Variants in ZMYND8 observed in about 807,000 individuals in gnomAD.
ZMYND8 encodes zinc finger MYND-type containing 8.
ZMYND8 carries 37 observed loss-of-function variants against 140.8 expected under a neutral mutation model. That is an observed-to-expected ratio of 0.26 (90% confidence interval 0.20 to 0.35). The LOEUF (loss-of-function observed/expected upper bound fraction) is 0.35, where lower values mean the gene tolerates loss of function less well. Among genes scored for constraint, ZMYND8 ranks in the 10% least tolerant of loss-of-function variants. The probability of loss-of-function intolerance (pLI) is 1.00; values close to 1 mark genes in which losing one functional copy is unlikely to be tolerated. For synonymous variants in ZMYND8, 592 were observed against 597.1 expected, an observed-to-expected ratio of 0.99 and a Z score of 0.12; for missense variants, 1,068 against 1,570.0, an observed-to-expected ratio of 0.68 and a Z score of 5.40.
intron 17 of ZMYND8, among the ~76,000 whole-genome samples, chr20:47,228,600 C>A (rs548672198): frequency 6.6e-6 from 1 of 152,336 alleles, no homozygotes; most frequent in Non-Finnish European, 1.5e-5. Context: ...TCATAAAGGT[C>A]ATACTTGCAA....
intron 2 of ZMYND8, among the ~76,000 whole-genome samples, chr20:47,342,890 T>C (rs1602111062): frequency 7.0e-6 from 1 of 142,158 alleles, no homozygotes; most frequent in Non-Finnish European, 1.5e-5. Flanking sequence ...CCAGGATCCA[T>C]AGAGAAATGG....
Position 47,290,241 on chromosome 20 carries a change from C to T in ZMYND8, c.694G>A (p.Ala232Thr). ...ATCCACTTTGCATCAGCCAGGAAGG[C>T]TTCTGTGCAGCCATACATTTTCTTT... ...AKKKMYGCTE[A>T]FLADAKWILH... Residue 232 changes from alanine (A) to threonine (T), a missense_variant, in exon 7 of 23, where the codon GCC becomes ACC. Physicochemically the swap from Ala to Thr is moderately conservative, Grantham distance 58. Coordinates refer to ENST00000471951, the MANE Select transcript of ZMYND8 (RefSeq NM_001281775.3). The T allele has an allele frequency of 6.2e-7, 1 of 1,613,446 alleles. No individual in the cohort carries two copies. The highest frequency in any genetic ancestry group is 8.5e-7 in the Non-Finnish European group (1 of 1,179,774).
chr20:47,255,450 T>G (rs1409338089), intron 12 of ZMYND8, among the ~76,000 whole-genome samples: 1 of 151,416 alleles, frequency 6.6e-6, no homozygotes, highest in East Asian at 1.9e-4. Flanking sequence ...AGCTCACACC[T>G]GTAATCCCAC....
chr20:47,275,988 A>T (rs2076233854), intron 11 of ZMYND8, among the ~76,000 whole-genome samples: 1 of 152,216 alleles, frequency 6.6e-6, no homozygotes, highest in South Asian at 2.1e-4. Context: ...AGAAAAATAC[A>T]ATTTCAACTA....
At chr20:47,347,179 A>T (rs1340697541) in intron 2 of ZMYND8, among the ~76,000 whole-genome samples, 1 of 152,204 alleles carries the variant, frequency 6.6e-6, no homozygotes, top group Non-Finnish European at 1.5e-5. Flanking sequence ...AAAATACTCC[A>T]GTAGCTCATT....
chr20:47,282,532 C>A (rs1312026213), intron 9 of ZMYND8, among the ~76,000 whole-genome samples: 1 of 152,082 alleles, frequency 6.6e-6, no homozygotes, highest in African/African-American at 2.4e-5. Context: ...CGAGACCAGC[C>A]TGGCCAACAT....
At chr20:47,351,958 GGA>G (rs1478817954) in intron 1 of ZMYND8, 2 of 985,392 alleles carry the variant, frequency 2.0e-6, no homozygotes, top group Admixed American at 6.1e-5. Context: ...GCAATGACAG[GGA>G]GAGTTTGTGA....
intron 21 of ZMYND8, among the ~76,000 whole-genome samples, chr20:47,213,792 T>C (rs1374598795): frequency 6.6e-6 from 1 of 152,202 alleles, no homozygotes; most frequent in African/African-American, 2.4e-5. Flanking sequence ...ACTCTCATCT[T>C]TTAAAGCTCG....
intron 12 of ZMYND8, among the ~76,000 whole-genome samples, chr20:47,255,804 G>GTATATATA (rs371033807): frequency 8.7e-6 from 1 of 114,482 alleles, no homozygotes; most frequent in Non-Finnish European, 1.7e-5. Flanking sequence ...TATATATACC[G>GTATATATA]TATATATATA....
In ZMYND8 at chr20:47,212,743, G is replaced by A; in HGVS notation, c.3485-18C>T. Reference sequence around the variant, plus strand: ...TTTGCTAACTGAAGAGATAGCACAGGTAGCCTCAGAGTCTGTCAGAGAGCT... The same window carrying A: ...TTTGCTAACTGAAGAGATAGCACAGATAGCCTCAGAGTCTGTCAGAGAGCT... On this transcript the variant is annotated intron_variant, in intron 21 of 22. Coordinates refer to ENST00000471951, the MANE Select transcript of ZMYND8 (RefSeq NM_001281775.3). The A allele has an allele frequency of 6.3e-7, 1 of 1,599,994 alleles. No individual in the cohort carries two copies. Among genetic ancestry groups the A allele is most frequent in the Non-Finnish European group, 8.5e-7 (1 of 1,170,536 alleles).
chr20:47,273,494 C>A (rs925028414), intron 11 of ZMYND8, among the ~76,000 whole-genome samples: 3 of 152,040 alleles, frequency 2.0e-5, no homozygotes, highest in African/African-American at 7.3e-5. Flanking sequence ...TGCAGTGAGC[C>A]GAGATCGTGG....
At chr20:47,271,349 T>C (rs975248660) in intron 11 of ZMYND8, among the ~76,000 whole-genome samples, 2 of 152,216 alleles carry the variant, frequency 1.3e-5, no homozygotes, top group Non-Finnish European at 2.9e-5. Context: ...AAAGAGCTGC[T>C]TATCATTGTA....
intron 21 of ZMYND8, among the ~76,000 whole-genome samples, chr20:47,213,218 A>G (rs546221266): frequency 6.6e-6 from 1 of 152,338 alleles, no homozygotes; most frequent in East Asian, 1.9e-4. Flanking sequence ...GGGGCTCCAG[A>G]TGAGGTGGCA....
intron 20 of ZMYND8, among the ~76,000 whole-genome samples, chr20:47,220,991 T>C (rs952338041): frequency 3.3e-5 from 5 of 152,158 alleles, no homozygotes; most frequent in African/African-American, 1.2e-4. Flanking sequence ...TAGCTGCATT[T>C]CAAGTGCTCA....
chr20:47,293,110 A>AGAAG (rs1326632608), intron 5 of ZMYND8, among the ~76,000 whole-genome samples: 9 of 55,330 alleles, frequency 1.6e-4, no homozygotes, highest in African/African-American at 2.1e-4. Flanking sequence ...GGACGAGGAA[A>AGAAG]GAAGGAAGGA....
chr20:47,234,682 T>C (rs1038830869), intron 16 of ZMYND8, among the ~76,000 whole-genome samples: 1 of 151,948 alleles, frequency 6.6e-6, no homozygotes, highest in African/African-American at 2.4e-5. Flanking sequence ...TAGATAACAA[T>C]TACACCTACA....
intron 15 of ZMYND8, chr20:47,238,163 G>A (rs1228237500): frequency 1.3e-5 from 2 of 153,964 alleles, no homozygotes; most frequent in East Asian, 3.8e-4. Flanking sequence ...GTAGAGGAAT[G>A]CTTTAAATAA....
chr20:47,322,536 G>A (rs2148368167), intron 2 of ZMYND8, among the ~76,000 whole-genome samples: 1 of 151,208 alleles, frequency 6.6e-6, no homozygotes, highest in South Asian at 2.1e-4. Flanking sequence ...CGCCTCCTGG[G>A]TTCAAGTGAT....
chr20:47,220,747 T>C (rs1378455233), intron 20 of ZMYND8, among the ~76,000 whole-genome samples: 1 of 152,234 alleles, frequency 6.6e-6, no homozygotes, highest in Non-Finnish European at 1.5e-5. Flanking sequence ...TAACGATTTA[T>C]CTTTTTCCTA....
Sources: allele counts gnomAD v4.1 joint callset (sites outside exome capture counted in the v4.1 genomes callset), GRCh38; gene constraint gnomAD v4.1.1; transcripts MANE v1.5; gene names NCBI Gene and HGNC (gene_info 2026-07-23, HGNC 2026-07-21).